The following BTD variants were observed in gnomAD, a reference collection of about 807,000 sequenced individuals.
BTD encodes biocytinase.
BTD carries 13 observed loss-of-function variants against 17.7 expected under a neutral mutation model. The observed-to-expected ratio is 0.74, with a 90% confidence interval of 0.48 to 1.17. BTD has a LOEUF of 1.17. Ranked by LOEUF, BTD falls within the 50% of genes most tolerant of loss-of-function variation. The pLI is 0.00. For synonymous variants in BTD, 240 were observed against 245.2 expected (o/e 0.98, Z 0.20); for missense variants, 674 against 650.4 (o/e 1.04, Z -0.39).
upstream of BTD, chr3:15,601,526 C>A (rs192164652): frequency 1.2e-4 from 190 of 1,608,464 alleles, no homozygotes; most frequent in Middle Eastern, 1.6e-4. Flanking sequence ...TCCAGCAAGG[C>A]AAACGCGAAA....
At chr3:15,654,921 C>T (rs150334495), downstream of BTD, among the ~76,000 whole-genome samples, 1,639 of 152,168 alleles carry the variant, frequency 0.011, 30 homozygotes, top group African/African-American at 0.037. Context: ...TTAGTAGAGA[C>T]GGGGTTTCTT....
chr3:15,603,106 C>T (rs1025380677), intron 1 of BTD, among the ~76,000 whole-genome samples: 11 of 152,204 alleles, frequency 7.2e-5, no homozygotes, highest in African/African-American at 2.7e-4. Context: ...GATTCAGTTA[C>T]TTCCCACTGG....
chr3:15,700,907 A>C (rs1315447197), intron 3 of BTD, among the ~76,000 whole-genome samples: 1 of 152,212 alleles, frequency 6.6e-6, no homozygotes, highest in African/African-American at 2.4e-5. Context: ...TATTCATTTG[A>C]TACATGGAGA....
At chr3:15,681,291 A>C (rs2067520549) in intron 3 of BTD, among the ~76,000 whole-genome samples, 1 of 152,200 alleles carries the variant, frequency 6.6e-6, no homozygotes, top group Non-Finnish European at 1.5e-5. Context: ...CAGCCTAACT[A>C]TATTTCTGAT....
chr3:15,654,597 C>CT (rs200602217), downstream of BTD, among the ~76,000 whole-genome samples: 3,385 of 151,972 alleles, frequency 0.022, 238 homozygotes, highest in Admixed American at 0.12. Context: ...GTCCTGCATC[C>CT]TTTTTTTTGT....
chr3:15,672,999 C>T (rs1456508886), intron 3 of BTD, among the ~76,000 whole-genome samples: 1 of 139,200 alleles, frequency 7.2e-6, no homozygotes, highest in Non-Finnish European at 1.5e-5. Flanking sequence ...TGGTCTCGAA[C>T]TCCTGACCTC....
downstream of BTD, among the ~76,000 whole-genome samples, chr3:15,654,851 C>T (rs534448435): frequency 3.3e-5 from 5 of 152,290 alleles, no homozygotes; most frequent in South Asian, 1.0e-3. Flanking sequence ...TCTCCTGCCT[C>T]AGCCTCCCAT....
chr3:15,642,605 C>A (rs2065549653), intron 3 of BTD, among the ~76,000 whole-genome samples: 1 of 151,966 alleles, frequency 6.6e-6, no homozygotes. Flanking sequence ...CAGGCACCCA[C>A]CACCACGCCC....
chr3:15,609,673 A>G (rs1240523271), intron 1 of BTD, among the ~76,000 whole-genome samples: 1 of 152,118 alleles, frequency 6.6e-6, no homozygotes, highest in Non-Finnish European at 1.5e-5. Flanking sequence ...ATATTTGTAT[A>G]TATATATTGG....
chr3:15,646,467 A>G lies in BTD; in HGVS notation c.*979A>G, dbSNP rs1402734120. On this transcript the variant is annotated 3_prime_UTR_variant, in exon 4 of 4. Transcript: ENST00000643237. ...CCGTGAAGGGCATGAAGGGTGGCCCACTTTAGTCATGCATTTATTCAATCA... is the reference window on the plus strand; with the variant it reads ...CCGTGAAGGGCATGAAGGGTGGCCCGCTTTAGTCATGCATTTATTCAATCA... The G allele has an allele frequency of 2.0e-5, 3 of 152,230 alleles. No homozygotes were observed. Among genetic ancestry groups the G allele is most frequent in the Admixed American group, 6.5e-5 (1 of 15,282 alleles). The allele number at this position is 152,230 out of a possible 1,614,324, so 9.4% of individuals were successfully genotyped here.
chr3:15,625,588 A>G (rs2065046475), intron 1 of BTD, among the ~76,000 whole-genome samples: 1 of 151,780 alleles, frequency 6.6e-6, no homozygotes, highest in Non-Finnish European at 1.5e-5. Context: ...ACGGAGTCTC[A>G]CTCTCATGCC....
At chr3:15,672,673 A>G (rs1042827211) in intron 3 of BTD, among the ~76,000 whole-genome samples, 1 of 152,230 alleles carries the variant, frequency 6.6e-6, no homozygotes, top group Admixed American at 6.5e-5. Flanking sequence ...ACAACCCATT[A>G]CATAGGCCAG....
rs937087721 is a variant in BTD, at chr3:15,707,851, A to G, written c.400-2209A>G. The G allele has an allele frequency of 5.2e-6, 8 of 1,526,658 alleles. No homozygotes were observed. The African/African-American group carries it at 9.6e-5, about 18-fold the overall frequency. 94.6% of individuals were successfully genotyped at this position (1,526,658 alleles called of 1,614,324 possible). On this transcript the variant is annotated intron_variant, in intron 3 of 3. Transcript: ENST00000672141. ...TACAAAGAGGAAACACAAATTTGCA[A>G]CAAAAACATCCATATGGAAGATGCC...
At chr3:15,608,447 G>A (rs1394640260) in intron 1 of BTD, among the ~76,000 whole-genome samples, 1 of 152,190 alleles carries the variant, frequency 6.6e-6, no homozygotes, top group Non-Finnish European at 1.5e-5. Flanking sequence ...CTATGAGGAT[G>A]TAAGAGATTT....
At chr3:15,676,843 G>A in intron 3 of BTD, 2 of 641,804 alleles carry the variant, frequency 3.1e-6, no homozygotes, top group South Asian at 2.5e-5. Context: ...AGTTTTGACA[G>A]TTGTAAAACT....
At chr3:15,722,397 G>A (rs1446367640), downstream of BTD, among the ~76,000 whole-genome samples, 1 of 152,224 alleles carries the variant, frequency 6.6e-6, no homozygotes, top group African/African-American at 2.4e-5. Flanking sequence ...ACTCCGTGAA[G>A]AGTGGACAAG....
chr3:15,685,487 A>G (rs377648709), intron 3 of BTD: 42 of 1,581,058 alleles, frequency 2.7e-5, no homozygotes, highest in Admixed American at 1.0e-4. Context: ...ATATTATGCT[A>G]AACATTACAT....
chr3:15,720,900 G>C, intron 4 of BTD: 1 of 1,609,144 alleles, frequency 6.2e-7, no homozygotes, highest in African/African-American at 1.3e-5. Flanking sequence ...TATAGATTCT[G>C]ATTTTGTTCC....
chr3:15,602,392 A>G (rs949895896), intron 1 of BTD: 24 of 891,710 alleles, frequency 2.7e-5, no homozygotes, highest in African/African-American at 3.6e-5. Flanking sequence ...ATTAGGAACT[A>G]TGGCGTTTCA....
Sources: allele counts gnomAD v4.1 joint callset (sites outside exome capture counted in the v4.1 genomes callset), GRCh38; gene constraint gnomAD v4.1.1; transcripts MANE v1.5; gene names NCBI Gene and HGNC (gene_info 2026-07-23, HGNC 2026-07-21).